The following GPR135 variants were observed in gnomAD, a reference collection of about 807,000 sequenced individuals.
GPR135 encodes the protein G-protein coupled receptor 135.
Under a neutral mutation model 15.0 loss-of-function variants are expected in GPR135, and 17 were observed. That is an observed-to-expected ratio of 1.13 (90% CI 0.78 to 1.70). The LOEUF is 1.70. Among genes scored for constraint, GPR135 ranks in the 40% most tolerant of loss-of-function variants. The pLI, the probability that GPR135 is intolerant of heterozygous loss-of-function variation, is 0.00. For missense variants in GPR135, 776 were observed against 727.0 expected (o/e 1.07, Z -0.78); for synonymous variants, 368 against 349.4 (o/e 1.05, Z -0.59).
chr14:59,465,020 G>A lies in GPR135; in HGVS notation c.207C>T (p.Gly69=). 7.5e-7 allele frequency: 1 copy of A among 1,331,646 alleles called. No homozygotes were observed. Among genetic ancestry groups the A allele is most frequent in the South Asian group, 2.2e-5 (1 of 45,240 alleles). 82.5% of individuals were successfully genotyped at this position (1,331,646 alleles called of 1,614,324 possible). The stretch of plus-strand genomic sequence containing the variant: ...CTGCCCCGGACCCGCCAAGGCCGCC[G>A]CCACCGGGAGCGGCAGCTGTGCCGC... The part of the protein sequence containing the change: ...SGGGTAAAPG[G]GGLGGSGAAR... The change falls in exon 1 of 1, where the codon GGC becomes GGT. Residue 69 remains glycine (G), a synonymous_variant. Transcript: ENST00000395116.
In GPR135 at chr14:59,464,618, C is replaced by G. The variant is rs1889040972; in HGVS notation, c.609G>C (p.Ala203=). Residue 203 remains alanine, a synonymous_variant, in exon 1 of 1, where the codon GCG becomes GCC. Coordinates refer to ENST00000395116, the MANE Select transcript of GPR135 (RefSeq NM_022571.6). ...CGCAGTAACGGTCCAACGAGATGAGCGCCACGCTGAGCGTGGACACGATGC... is the reference window on the plus strand; with the variant it reads ...CGCAGTAACGGTCCAACGAGATGAGGGCCACGCTGAGCGTGGACACGATGC... ...CFGIVSTLSV[A]LISLDRYCAI... 2 of 1,597,096 alleles carry G rather than the reference C, an allele frequency of 1.3e-6. No homozygotes were observed. The highest frequency in any genetic ancestry group is 1.7e-5 in the Admixed American group (1 of 59,674).
Position 59,463,900 on chromosome 14 carries a change from TG to T in GPR135, c.1326del (p.Asn442LysfsTer37), listed in dbSNP as rs766619056. On this transcript the variant is annotated frameshift_variant, in exon 1 of 1. Coordinates refer to ENST00000395116, the MANE Select transcript of GPR135 (RefSeq NM_022571.6). LOFTEE classifies it low-confidence loss of function (END_TRUNC). ...CTGGCCGGGTTGGAAGAGGACATCC[TG>T]TTGCAGGCCCCCAGCCGGTTGGCAT... The part of the protein sequence containing the change: ...NRYANRLGAC[N>X]RMSSSNPASG... The T allele has an allele frequency of 4.0e-5, 65 of 1,614,018 alleles. No individual in the cohort carries two copies. The highest frequency in any genetic ancestry group is 5.4e-5 in the Non-Finnish European group (64 of 1,179,970).
chr14:59,464,350 T>C lies in GPR135; in HGVS notation c.877A>G (p.Met293Val), dbSNP rs1889008404. 1.2e-6 allele frequency: 2 copies of C among 1,609,290 alleles called. No individual in the cohort carries two copies. The highest frequency in any genetic ancestry group is 1.1e-5 in the South Asian group (1 of 90,678). Residue 293 changes from methionine to valine, a missense_variant, in exon 1 of 1, where the codon ATG becomes GTG. Coordinates refer to ENST00000395116, the MANE Select transcript of GPR135 (RefSeq NM_022571.6). ...CAGATGTGGTAGTGGCAGAAGCACATGAGCAGGAAGGGCAGCAGGTAGCAG... is the reference window on the plus strand; with the variant it reads ...CAGATGTGGTAGTGGCAGAAGCACACGAGCAGGAAGGGCAGCAGGTAGCAG... ...VACYLLPFLL[M>V]CFCHYHICKT...
At chr14:59,460,482 G>C (rs1888815124), downstream of GPR135, 1 of 152,182 alleles carries the variant, frequency 6.6e-6, no homozygotes, top group Non-Finnish European at 1.5e-5. Context: ...AGGCAGTACA[G>C]AATAGCAGTT....
At position 59,464,215 on chromosome 14, in the gene GPR135, C is replaced by T; in HGVS notation, c.1012G>A (p.Val338Ile). ...RTATTVLIMI[V>I]FVICCWGPYC... is the part of the protein sequence containing the mutation. The stretch of plus-strand genomic sequence containing the variant: ...GGCCCCCAGCAGCAGATGACGAAGA[C>T]GATCATGATGAGGACGGTGGTGGCC... The change falls in exon 1 of 1, where the codon GTC becomes ATC. Residue 338 changes from valine (V) to isoleucine (I), a missense_variant. Physicochemically the swap from Val to Ile is conservative, Grantham distance 29 (BLOSUM62 3). Coordinates refer to ENST00000395116, the MANE Select transcript of GPR135 (RefSeq NM_022571.6). 1.5e-5 allele frequency: 24 copies of T among 1,611,240 alleles called. No individual in the cohort carries two copies. The highest frequency in any genetic ancestry group is 1.9e-5 in the Non-Finnish European group (23 of 1,179,898).
downstream of GPR135, chr14:59,460,318 A>G (rs895756791): frequency 3.3e-5 from 5 of 152,242 alleles, no homozygotes; most frequent in Non-Finnish European, 5.9e-5. Flanking sequence ...AAACCCTTAT[A>G]TGCTTTTTAG....
chr14:59,465,309 G>T lies in GPR135; in HGVS notation c.-83C>A. The stretch of plus-strand genomic sequence containing the variant: ...GTCGGAGTGGTGGCTCGGGGCCGGG[G>T]GCTAGCGGCCGCCGCGGGGAGCTGG... On this transcript the variant is annotated 5_prime_UTR_variant, in exon 1 of 1. Transcript: ENST00000395116. 9.4e-7 allele frequency: 1 copy of T among 1,059,608 alleles called. No homozygotes were observed. Among genetic ancestry groups the T allele is most frequent in the Non-Finnish European group, 1.2e-6 (1 of 835,656 alleles). The allele number at this position is 1,059,608 out of a possible 1,614,324, so 65.6% of individuals were successfully genotyped here.
Sources: gnomAD v4.1 joint callset for allele counts on GRCh38, gnomAD v4.1.1 for gene constraint, MANE v1.5 for transcripts, NCBI Gene and HGNC (gene_info 2026-07-23, HGNC 2026-07-21) for gene names.